FBXL17: variants seen among roughly 807,000 people sequenced by gnomAD.
The protein encoded by FBXL17 is F-box and leucine rich repeat protein 17.
FBXL17 carries 22 observed loss-of-function variants against 66.2 expected under a neutral mutation model. That is an observed-to-expected ratio of 0.33 (90% CI 0.24 to 0.47). The LOEUF (loss-of-function observed/expected upper bound fraction) is 0.47, where lower values mean the gene tolerates loss of function less well. Ranked by LOEUF, FBXL17 falls within the 20% of genes least tolerant of loss-of-function variation. The pLI is 1.00. For missense variants in FBXL17, 878 were observed against 948.2 expected, an observed-to-expected ratio of 0.93 and a Z score of 0.97; for synonymous variants, 474 against 400.5, an observed-to-expected ratio of 1.18 and a Z score of -2.19.
At chr5:108,292,126 CTT>C (rs34902962) in intron 4 of FBXL17, among the ~76,000 whole-genome samples, 10 of 143,496 alleles carry the variant, frequency 7.0e-5, no homozygotes, top group Non-Finnish European at 9.2e-5. Flanking sequence ...AACGAAAAAG[CTT>C]TTTTTTTTTT....
chr5:107,910,809 CA>C (rs944455763), intron 7 of FBXL17, among the ~76,000 whole-genome samples: 2 of 151,618 alleles, frequency 1.3e-5, no homozygotes, highest in African/African-American at 2.4e-5. Flanking sequence ...GAAAAAACAT[CA>C]AAAAAAGTTA....
chr5:108,215,147 G>C (rs1399895318), intron 5 of FBXL17, among the ~76,000 whole-genome samples: 2 of 152,086 alleles, frequency 1.3e-5, no homozygotes, highest in Non-Finnish European at 2.9e-5. Context: ...CATTTTAGCT[G>C]TTGTGTATGT....
chr5:108,191,565 G>T (rs1326878522), intron 5 of FBXL17, among the ~76,000 whole-genome samples: 1 of 152,182 alleles, frequency 6.6e-6, no homozygotes, highest in Non-Finnish European at 1.5e-5. Context: ...CAACAAGGCT[G>T]GGATAACTTA....
At chr5:108,009,265 A>T (rs1413929677) in intron 7 of FBXL17, among the ~76,000 whole-genome samples, 7 of 37,744 alleles carry the variant, frequency 1.9e-4, no homozygotes, top group African/African-American at 1.5e-3. Context: ...CCTGTTTTAT[A>T]TATATATATA....
chr5:108,267,139 T>G (rs932912170), intron 4 of FBXL17, among the ~76,000 whole-genome samples: 8 of 152,064 alleles, frequency 5.3e-5, no homozygotes, highest in African/African-American at 1.9e-4. Flanking sequence ...GATTTTCCAA[T>G]AATGGATATC....
intron 4 of FBXL17, among the ~76,000 whole-genome samples, chr5:108,335,701 T>A (rs1760346248): frequency 2.0e-5 from 3 of 152,198 alleles, no homozygotes; most frequent in African/African-American, 7.2e-5. Flanking sequence ...TTCCTCCTAT[T>A]ATTATACTGA....
chr5:108,288,761 A>G (rs1391160091), intron 4 of FBXL17, among the ~76,000 whole-genome samples: 2 of 152,022 alleles, frequency 1.3e-5, no homozygotes, highest in African/African-American at 2.4e-5. Flanking sequence ...AGAAAATACA[A>G]TAACAAAAAA....
intron 6 of FBXL17, among the ~76,000 whole-genome samples, chr5:108,095,169 T>C (rs985703692): frequency 6.6e-6 from 1 of 152,012 alleles, no homozygotes; most frequent in Non-Finnish European, 1.5e-5. Context: ...TTCCTATTAA[T>C]GGTAAGCATT....
intron 6 of FBXL17, among the ~76,000 whole-genome samples, chr5:108,079,008 G>A (rs908318465): frequency 2.6e-5 from 4 of 152,048 alleles, no homozygotes; most frequent in African/African-American, 4.8e-5. Context: ...AGCCTTGAAC[G>A]ATCTAATTTT....
intron 6 of FBXL17, among the ~76,000 whole-genome samples, chr5:108,139,932 CTCT>C (rs1751286627): frequency 6.6e-6 from 1 of 152,166 alleles, no homozygotes; most frequent in Non-Finnish European, 1.5e-5. Flanking sequence ...TTACATCTCT[CTCT>C]TATCTCCTTT....
intron 6 of FBXL17, among the ~76,000 whole-genome samples, chr5:108,098,679 C>T (rs900224641): frequency 1.6e-4 from 24 of 146,482 alleles, no homozygotes; most frequent in South Asian, 8.7e-4. Flanking sequence ...CGGGAGGCGG[C>T]GCTTGCAATG....
intron 4 of FBXL17, among the ~76,000 whole-genome samples, chr5:108,263,827 A>ATGGG (rs1756933658): frequency 6.6e-6 from 1 of 152,194 alleles, no homozygotes; most frequent in Admixed American, 6.5e-5. Flanking sequence ...AACCCATGAT[A>ATGGG]TGGGAGAAAG....
chr5:107,862,491 A>T (rs1580661965), intron 8 of FBXL17, among the ~76,000 whole-genome samples: 1 of 152,306 alleles, frequency 6.6e-6, no homozygotes, highest in East Asian at 1.9e-4. Flanking sequence ...GACAGGCCTA[A>T]TTAAAACTAA....
intron 7 of FBXL17, among the ~76,000 whole-genome samples, chr5:107,936,906 A>G (rs1309764523): frequency 3.3e-5 from 5 of 152,096 alleles, no homozygotes; most frequent in Admixed American, 3.3e-4. Flanking sequence ...TGTCTTTCAC[A>G]CTTTTTTTAA....
intron 6 of FBXL17, among the ~76,000 whole-genome samples, chr5:108,032,673 C>T (rs906634049): frequency 6.6e-6 from 1 of 152,084 alleles, no homozygotes; most frequent in East Asian, 1.9e-4. Flanking sequence ...TGGATTCTTC[C>T]GTAGAGCCTC....
At chr5:108,009,304 T>TAG (rs1165543412) in intron 7 of FBXL17, among the ~76,000 whole-genome samples, 17 of 19,556 alleles carry the variant, frequency 8.7e-4, no homozygotes, top group Middle Eastern at 0.019. Context: ...TATATATACA[T>TAG]ATATACATAC....
At chr5:108,192,522 A>C (rs1753506730) in intron 5 of FBXL17, among the ~76,000 whole-genome samples, 1 of 152,224 alleles carries the variant, frequency 6.6e-6, no homozygotes, top group Admixed American at 6.5e-5. Context: ...AAAATGAGAC[A>C]CTAAAATGTT....
chr5:108,257,829 A>C (rs949187053), intron 4 of FBXL17, among the ~76,000 whole-genome samples: 1 of 152,188 alleles, frequency 6.6e-6, no homozygotes, highest in African/African-American at 2.4e-5. Context: ...TTTTGAAAGA[A>C]AGACCTGTTG....
intron 4 of FBXL17, among the ~76,000 whole-genome samples, chr5:108,232,751 T>A (rs2966796): frequency 0.74 from 92,942 of 126,404 alleles, 34,880 homozygotes; most frequent in East Asian, 0.93. Flanking sequence ...GGACCTTGTG[T>A]TTGTGTAAGT....
Sources: allele counts gnomAD v4.1 joint callset (sites outside exome capture counted in the v4.1 genomes callset), GRCh38; gene constraint gnomAD v4.1.1; transcripts MANE v1.5; gene names NCBI Gene and HGNC (gene_info 2026-07-23, HGNC 2026-07-21).